Variants in ADCY2 observed in about 807,000 individuals in gnomAD.
ADCY2 encodes adenylate cyclase 2.
In ADCY2, 31 loss-of-function variants were observed where a neutral mutation model predicts 125.2. The observed-to-expected ratio is 0.25, with a 90% CI of 0.19 to 0.33. ADCY2 has a LOEUF of 0.33. Among genes scored for constraint, ADCY2 ranks in the 10% least tolerant of loss-of-function variants. The pLI is 1.00. For missense variants in ADCY2, 904 were observed against 1,418.2 expected (o/e 0.64, Z 5.82); for synonymous variants, 512 against 548.4 (o/e 0.93, Z 0.93).
At chr5:7,542,553 T>G (rs1188250349) in intron 3 of ADCY2, among the ~76,000 whole-genome samples, 1 of 152,144 alleles carries the variant, frequency 6.6e-6, no homozygotes, top group Non-Finnish European at 1.5e-5. Flanking sequence ...ATGTAAAAAC[T>G]GTGTAAAAAA....
In ADCY2 at chr5:7,536,105, G is replaced by A. The variant is rs141104875; in HGVS notation, c.570+15206G>A. 5.6e-3 allele frequency among the ~76,000 whole-genome samples: 859 copies of A among 152,324 alleles called. 12 individuals are homozygous for A. The highest frequency in any genetic ancestry group is 0.019 in the African/African-American group (810 of 41,570). On this transcript the variant is annotated intron_variant, in intron 3 of 24. Coordinates refer to ENST00000338316, the MANE Select transcript of ADCY2 (RefSeq NM_020546.3). The stretch of plus-strand genomic sequence containing the variant: ...TGCAAGCTGTGGCTTATAAAACTCT[G>A]ATGTAAGGCTTATTAACAGGTTGAA...
chr5:7,410,648 A>G (rs1432416810), intron 1 of ADCY2, among the ~76,000 whole-genome samples: 1 of 152,186 alleles, frequency 6.6e-6, no homozygotes, highest in African/African-American at 2.4e-5. Context: ...TTACCTTGTT[A>G]AAGCCATTTT....
intron 1 of ADCY2, among the ~76,000 whole-genome samples, chr5:7,405,386 G>A (rs772889210): frequency 4.0e-5 from 6 of 151,144 alleles, no homozygotes; most frequent in Non-Finnish European, 8.8e-5. Context: ...ATCTCTGCTG[G>A]TCTGTCTCAT....
chr5:7,796,520 A>C (rs1160266900), intron 20 of ADCY2: 4 of 152,216 alleles, frequency 2.6e-5, no homozygotes, highest in African/African-American at 9.6e-5. Context: ...TCGCTGTAAC[A>C]ATCAATTCTG....
At position 7,497,107 on chromosome 5, in the gene ADCY2, GA is replaced by G; in HGVS notation, c.409-23629del. Among the ~76,000 whole-genome samples, 7 of 152,280 alleles carry G rather than the reference GA, an allele frequency of 4.6e-5. 2 individuals are homozygous for G. The highest frequency in any genetic ancestry group is 4.6e-4 in the Admixed American group (7 of 15,296). ...AAAGATAAAGCACATTCCCACTTAT[GA>G]AGATGCAATGTTCTTTAAAAAGTAT... On this transcript the variant is annotated intron_variant, in intron 2 of 24. Coordinates refer to ENST00000338316, the MANE Select transcript of ADCY2 (RefSeq NM_020546.3).
chr5:7,401,891 A>G (rs10512919), intron 1 of ADCY2, among the ~76,000 whole-genome samples: 5,941 of 152,336 alleles, frequency 0.039, 163 homozygotes, highest in South Asian at 0.094. Context: ...GATGTTGGGC[A>G]TACTCCACTG....
intron 2 of ADCY2, among the ~76,000 whole-genome samples, chr5:7,455,386 T>C (rs1276292644): frequency 6.6e-6 from 1 of 152,152 alleles, no homozygotes; most frequent in African/African-American, 2.4e-5. Flanking sequence ...ACACAGCTGA[T>C]GAAAGTCTCC....
chr5:7,515,381 G>T (rs147889206), intron 2 of ADCY2, among the ~76,000 whole-genome samples: 1 of 152,306 alleles, frequency 6.6e-6, no homozygotes, highest in East Asian at 1.9e-4. Context: ...GGGTAGGCAG[G>T]AGCAGATGTG....
At chr5:7,621,335 A>G (rs939548024) in intron 3 of ADCY2, among the ~76,000 whole-genome samples, 1 of 152,228 alleles carries the variant, frequency 6.6e-6, no homozygotes, top group African/African-American at 2.4e-5. Context: ...TGATGAAAGC[A>G]CTTTACAGCA....
chr5:7,481,823 C>T (rs1742742575), intron 2 of ADCY2, among the ~76,000 whole-genome samples: 1 of 151,716 alleles, frequency 6.6e-6, no homozygotes, highest in Admixed American at 6.6e-5. Flanking sequence ...TGATGTAATC[C>T]TATTTGTCCA....
intron 2 of ADCY2, among the ~76,000 whole-genome samples, chr5:7,507,265 C>T (rs1164059320): frequency 2.1e-5 from 3 of 145,100 alleles, no homozygotes; most frequent in African/African-American, 5.1e-5. Flanking sequence ...AACGGTGAAA[C>T]CCCGTCTCTA....
At chr5:7,477,657 T>C (rs979354385) in intron 2 of ADCY2, among the ~76,000 whole-genome samples, 2 of 152,180 alleles carry the variant, frequency 1.3e-5, no homozygotes, top group Non-Finnish European at 2.9e-5. Flanking sequence ...GATTTGCTCT[T>C]ATCCAGTCTT....
At chr5:7,546,163 T>C (rs550153596) in intron 3 of ADCY2, among the ~76,000 whole-genome samples, 2 of 152,228 alleles carry the variant, frequency 1.3e-5, no homozygotes, top group Non-Finnish European at 2.9e-5. Context: ...TGTTTTCTTG[T>C]GCGGATTCCT....
intron 4 of ADCY2, among the ~76,000 whole-genome samples, chr5:7,680,797 GGA>G (rs1740303482): frequency 6.6e-6 from 1 of 152,140 alleles, no homozygotes; most frequent in African/African-American, 2.4e-5. Context: ...TCAGGTAGTG[GGA>G]CACATGACAG....
At chr5:7,478,409 A>G (rs1207811939) in intron 2 of ADCY2, among the ~76,000 whole-genome samples, 1 of 152,236 alleles carries the variant, frequency 6.6e-6, no homozygotes, top group Admixed American at 6.5e-5. Flanking sequence ...TCGTATGTGT[A>G]CTTACACATT....
In ADCY2 at chr5:7,709,700, C is replaced by A. The variant is rs559485021; in HGVS notation, c.1578+313C>A. Reference sequence around the variant, plus strand: ...GGGGTTTTTTAAGAAAAACTTCTATCATGAAGTAGAAAGCCTTGAGGTTCT... The same window carrying A: ...GGGGTTTTTTAAGAAAAACTTCTATAATGAAGTAGAAAGCCTTGAGGTTCT... On this transcript the variant is annotated intron_variant, in intron 10 of 24. Coordinates refer to ENST00000338316, the MANE Select transcript of ADCY2 (RefSeq NM_020546.3). The surrounding 1 kb of genome is among the most constrained non-coding windows in gnomAD (Gnocchi z 4.4). Among the ~76,000 whole-genome samples the A allele has an allele frequency of 6.6e-6, 1 of 152,246 alleles. No individual in the cohort carries two copies. Among genetic ancestry groups the A allele is most frequent in the African/African-American group, 2.4e-5 (1 of 41,538 alleles).
intron 2 of ADCY2, among the ~76,000 whole-genome samples, chr5:7,426,696 A>G (rs752258624): frequency 3.3e-5 from 5 of 152,244 alleles, no homozygotes; most frequent in Non-Finnish European, 5.9e-5. Flanking sequence ...CTTCAGCACC[A>G]TAAGCATGCA....
At chr5:7,768,020 G>T (rs1393035874) in intron 17 of ADCY2, among the ~76,000 whole-genome samples, 2 of 136,918 alleles carry the variant, frequency 1.5e-5, no homozygotes, top group African/African-American at 5.4e-5. Flanking sequence ...GACAGAGTGA[G>T]ATTCTGTCTC....
At chr5:7,465,706 T>C (rs1742088426) in intron 2 of ADCY2, among the ~76,000 whole-genome samples, 1 of 152,244 alleles carries the variant, frequency 6.6e-6, no homozygotes, top group African/African-American at 2.4e-5. Flanking sequence ...ATGACAGTTT[T>C]ACAGCTCAAT....
Sources: gnomAD v4.1 joint callset for allele counts (sites outside exome capture counted in the v4.1 genomes callset) on GRCh38, gnomAD v4.1.1 for gene constraint, Gnocchi (gnomAD v3.1) non-coding constraint, MANE v1.5 for transcripts, NCBI Gene and HGNC (gene_info 2026-07-23, HGNC 2026-07-21) for gene names.